LHPP: variants seen among roughly 807,000 people sequenced by gnomAD.
LHPP encodes the protein hLHPP.
Under a neutral mutation model 30.3 loss-of-function variants are expected in LHPP, and 24 were observed. The observed-to-expected ratio is 0.79, with a 90% CI of 0.57 to 1.11. The LOEUF is 1.11. LHPP is among the 50% of genes most tolerant of loss of function. LHPP has a pLI of 0.00. For synonymous variants in LHPP, 150 were observed against 157.1 expected, an observed-to-expected ratio of 0.95 and a Z score of 0.34; for missense variants, 356 against 367.2, an observed-to-expected ratio of 0.97 and a Z score of 0.25.
At chr10:124,498,624 C>CTGGCTTCG in intron 5 of LHPP, 2 of 676,430 alleles carry the variant, frequency 3.0e-6, no homozygotes, top group Non-Finnish European at 5.0e-6. Context: ...CTAAGTGAGT[C>CTGGCTTCG]TGGCTTCGTC....
intron 1 of LHPP, among the ~76,000 whole-genome samples, chr10:124,469,232 T>C (rs78173718): frequency 0.023 from 3,465 of 152,090 alleles, 106 homozygotes; most frequent in East Asian, 0.15. Context: ...GGGGAACACA[T>C]GCCTCCGTGG....
At chr10:124,504,065 G>A (rs1186963067) in intron 5 of LHPP, among the ~76,000 whole-genome samples, 1 of 152,036 alleles carries the variant, frequency 6.6e-6, no homozygotes, top group Non-Finnish European at 1.5e-5. Flanking sequence ...GGCAGCAGGT[G>A]CCTGTAATCC....
intron 6 of LHPP, among the ~76,000 whole-genome samples, chr10:124,598,377 A>G (rs1174922146): frequency 6.6e-6 from 1 of 152,200 alleles, no homozygotes; most frequent in Non-Finnish European, 1.5e-5. Context: ...AGGGTCTGGG[A>G]GTCAGCTGTC....
intron 6 of LHPP, among the ~76,000 whole-genome samples, chr10:124,565,588 G>C (rs951021201): frequency 5.3e-5 from 8 of 152,204 alleles, no homozygotes; most frequent in African/African-American, 1.9e-4. Context: ...GGACGCACTG[G>C]GGAGGACATT....
chr10:124,571,062 G>A (rs752906962), intron 6 of LHPP, among the ~76,000 whole-genome samples: 4 of 152,198 alleles, frequency 2.6e-5, no homozygotes, highest in Non-Finnish European at 4.4e-5. Flanking sequence ...CCCTGCACAC[G>A]CTCTCTTCTC....
At chr10:124,556,990 G>A (rs900558159) in intron 6 of LHPP, among the ~76,000 whole-genome samples, 8 of 152,158 alleles carry the variant, frequency 5.3e-5, no homozygotes, top group African/African-American at 1.9e-4. Context: ...CCAGCCTGAA[G>A]ATGCTAGCAA....
intron 6 of LHPP, among the ~76,000 whole-genome samples, chr10:124,568,022 C>T (rs1948520474): frequency 6.6e-6 from 1 of 152,250 alleles, no homozygotes; most frequent in African/African-American, 2.4e-5. Flanking sequence ...AAGCGATTCT[C>T]CTGCCTCAGC....
chr10:124,509,459 G>A (rs1954245965), intron 5 of LHPP, among the ~76,000 whole-genome samples: 1 of 152,096 alleles, frequency 6.6e-6, no homozygotes, highest in Non-Finnish European at 1.5e-5. Flanking sequence ...TGTGATGCAT[G>A]TTGCTTATTT....
chr10:124,540,346 C>A (rs539814477), intron 6 of LHPP, among the ~76,000 whole-genome samples: 1 of 152,180 alleles, frequency 6.6e-6, no homozygotes, highest in Admixed American at 6.5e-5. Flanking sequence ...GACTTGCGGC[C>A]GGGGACCCAG....
Position 124,488,472 on chromosome 10 carries a change from GTAATTGC to G in LHPP, c.365_371del (p.Val122GlufsTer12). ...CGACACATCCAACCCAAACTGTGTG[GTAATTGC>G]AGACGCAGGAGAAAGCTTTTCTTAT... is the stretch of plus-strand genomic sequence containing the variant. On this transcript the variant is annotated frameshift_variant, in exon 3 of 7. Coordinates refer to ENST00000368842, the MANE Select transcript of LHPP (RefSeq NM_022126.4). LOFTEE classifies it high-confidence loss of function. The G allele has an allele frequency of 6.2e-7, 1 of 1,614,070 alleles. No individual in the cohort carries two copies. Among genetic ancestry groups the G allele is most frequent in the Non-Finnish European group, 8.5e-7 (1 of 1,179,976 alleles).
chr10:124,516,011 C>T (rs998502272), intron 5 of LHPP, among the ~76,000 whole-genome samples: 1 of 152,212 alleles, frequency 6.6e-6, no homozygotes, highest in Admixed American at 6.5e-5. Context: ...CCTGGGTCTC[C>T]CCAGAATCCT....
chr10:124,486,254 G>C (rs889940190), intron 2 of LHPP, among the ~76,000 whole-genome samples: 4 of 152,122 alleles, frequency 2.6e-5, no homozygotes, highest in African/African-American at 9.7e-5. Flanking sequence ...CTCGCACCTT[G>C]CCCAGGTGGT....
chr10:124,492,687 CAT>C (rs1387591977), intron 3 of LHPP, among the ~76,000 whole-genome samples: 2 of 152,208 alleles, frequency 1.3e-5, no homozygotes, highest in Non-Finnish European at 2.9e-5. Flanking sequence ...GCCAAGTTGA[CAT>C]ATTAAATTAA....
chr10:124,553,003 C>G (rs1948202405), intron 6 of LHPP, among the ~76,000 whole-genome samples: 1 of 152,244 alleles, frequency 6.6e-6, no homozygotes, highest in South Asian at 2.1e-4. Context: ...TTAAGCTGGC[C>G]TTCCGAGCTG....
intron 6 of LHPP, among the ~76,000 whole-genome samples, chr10:124,520,568 T>G (rs1417067671): frequency 6.6e-6 from 1 of 152,256 alleles, no homozygotes; most frequent in Non-Finnish European, 1.5e-5. Context: ...TGTCAGACCT[T>G]TTGATTTGTT....
At chr10:124,519,934 G>A (rs189729209) in intron 6 of LHPP, among the ~76,000 whole-genome samples, 2 of 151,968 alleles carry the variant, frequency 1.3e-5, no homozygotes, top group African/African-American at 4.8e-5. Context: ...CCGGGTTCAC[G>A]CCATTCTCCT....
In LHPP at chr10:124,588,191, C is replaced by T. The variant is rs908706267; in HGVS notation, c.717-25073C>T. On this transcript the variant is annotated intron_variant, in intron 6 of 6. Transcript: ENST00000368842. ...CAGAGGTGGCCACAGGCACAACACG[C>T]GTCCCTCAGCCTTGCCACCTCTGCT... Among the ~76,000 whole-genome samples the T allele has an allele frequency of 5.9e-5, 9 of 152,262 alleles. No homozygotes were observed. In the East Asian group the frequency reaches 7.7e-4, roughly 13 times the overall value.
chr10:124,525,585 C>T (rs1038604482), intron 6 of LHPP, among the ~76,000 whole-genome samples: 3 of 152,158 alleles, frequency 2.0e-5, no homozygotes, highest in African/African-American at 4.8e-5. Context: ...AGACCCGAGG[C>T]GGAGGCGAGT....
intron 6 of LHPP, among the ~76,000 whole-genome samples, chr10:124,589,515 T>C (rs1271173194): frequency 6.6e-6 from 1 of 152,142 alleles, no homozygotes; most frequent in Non-Finnish European, 1.5e-5. Flanking sequence ...CAGGAGAAGG[T>C]CCTGGAGGTG....
Sources: gnomAD v4.1 joint callset for allele counts (sites outside exome capture counted in the v4.1 genomes callset) on GRCh38, gnomAD v4.1.1 for gene constraint, MANE v1.5 for transcripts, NCBI Gene and HGNC (gene_info 2026-07-23, HGNC 2026-07-21) for gene names.